Variants in L3MBTL4 observed in about 807,000 individuals in gnomAD.
The protein encoded by L3MBTL4 is lethal(3)malignant brain tumor-like protein 4.
A neutral mutation model predicts 84.5 loss-of-function variants in L3MBTL4; 70 were observed. The ratio of observed to expected loss-of-function variants is 0.83; its 90% CI spans 0.68 to 1.01. L3MBTL4 has a LOEUF of 1.01. Ranked by LOEUF, L3MBTL4 falls within the 50% of genes least tolerant of loss-of-function variation. The probability of loss-of-function intolerance (pLI) is 0.00; values close to 1 mark genes in which losing one functional copy is unlikely to be tolerated. For missense variants in L3MBTL4, 715 were observed against 754.8 expected, an observed-to-expected ratio of 0.95 and a Z score of 0.62; for synonymous variants, 274 against 259.8, an observed-to-expected ratio of 1.05 and a Z score of -0.52.
Position 6,094,467 on chromosome 18 carries a change from AAC to A in L3MBTL4, c.1200-941_1200-940del, listed in dbSNP as rs2058565527. ...AATTCACAAACACATGCCACACACA[AAC>A]ACACACACATCATGAAATGGTAGCT... On this transcript the variant is annotated intron_variant, in intron 14 of 18. Transcript: ENST00000317931. Among the ~76,000 whole-genome samples, 2 of 152,062 alleles carry A rather than the reference AAC, an allele frequency of 1.3e-5. 1 individual carries two copies. Among genetic ancestry groups the A allele is most frequent in the African/African-American group, 4.8e-5 (2 of 41,410 alleles).
chr18:6,338,334 A>T (rs922276082), intron 1 of L3MBTL4, among the ~76,000 whole-genome samples: 1 of 152,026 alleles, frequency 6.6e-6, no homozygotes, highest in Admixed American at 6.6e-5. Flanking sequence ...GAAAACAACA[A>T]AGGTAAACAT....
At chr18:6,162,048 G>A (rs982323669) in intron 13 of L3MBTL4, among the ~76,000 whole-genome samples, 2 of 150,986 alleles carry the variant, frequency 1.3e-5, no homozygotes, top group East Asian at 1.9e-4. Flanking sequence ...CTACTAATTT[G>A]TTGAAAAAAG....
intron 16 of L3MBTL4, chr18:6,031,855 C>T: frequency 1.0e-6 from 1 of 982,692 alleles, no homozygotes; most frequent in Non-Finnish European, 1.2e-6. Context: ...GGCACAAGTA[C>T]AGTTTTGTTA....
chr18:6,193,351 T>C (rs1018088417), intron 12 of L3MBTL4, among the ~76,000 whole-genome samples: 2 of 152,056 alleles, frequency 1.3e-5, no homozygotes, highest in Admixed American at 1.3e-4. Flanking sequence ...CAAATACAGT[T>C]TGAAGACACG....
At chr18:6,269,908 C>T (rs1956588341) in intron 4 of L3MBTL4, among the ~76,000 whole-genome samples, 1 of 152,176 alleles carries the variant, frequency 6.6e-6, no homozygotes, top group South Asian at 2.1e-4. Flanking sequence ...ATGCAAATGG[C>T]AGGGGTAAAG....
At chr18:6,257,891 C>G (rs1371681738) in intron 5 of L3MBTL4, among the ~76,000 whole-genome samples, 4 of 152,128 alleles carry the variant, frequency 2.6e-5, no homozygotes, top group Non-Finnish European at 5.9e-5. Flanking sequence ...GGTGATCCAC[C>G]CACCTCGGCC....
intron 1 of L3MBTL4, among the ~76,000 whole-genome samples, chr18:6,364,022 T>A (rs906071222): frequency 6.6e-6 from 1 of 151,800 alleles, no homozygotes; most frequent in Non-Finnish European, 1.5e-5. Context: ...CTCCTGGGGG[T>A]CTCTATGATA....
intron 10 of L3MBTL4, among the ~76,000 whole-genome samples, chr18:6,216,361 AT>A (rs570031450): frequency 2.6e-5 from 4 of 152,270 alleles, no homozygotes; most frequent in African/African-American, 9.6e-5. Flanking sequence ...AAAGAACTCT[AT>A]TTCAAATTTC....
At position 6,369,437 on chromosome 18, in the gene L3MBTL4, G is replaced by T. The variant is rs148052029; in HGVS notation, c.-91+45364C>A. On this transcript the variant is annotated intron_variant, in intron 1 of 18. Transcript: ENST00000317931. ...GCACAGGACAGCCCCTCACCACAAA[G>T]AACTCTCTGGTCCAAAACTGTCAAT... Among the ~76,000 whole-genome samples, 90 of 152,280 alleles carry T rather than the reference G, an allele frequency of 5.9e-4. 2 individuals carry two copies. The highest frequency in any genetic ancestry group is 2.1e-3 in the African/African-American group (87 of 41,548).
chr18:6,116,388 TCTTA>T (rs1294774559), intron 14 of L3MBTL4, among the ~76,000 whole-genome samples: 137 of 141,820 alleles, frequency 9.7e-4, no homozygotes, highest in Non-Finnish European at 1.7e-3. Context: ...TGAGATGGAG[TCTTA>T]CTCTGTAGCT....
intron 1 of L3MBTL4, among the ~76,000 whole-genome samples, chr18:6,390,488 T>G (rs1568594515): frequency 1.3e-5 from 2 of 151,618 alleles, no homozygotes; most frequent in African/African-American, 2.4e-5. Flanking sequence ...CAGAACAGAA[T>G]GAAGTGAAAT....
chr18:6,139,543 A>G (rs541154273), intron 13 of L3MBTL4, among the ~76,000 whole-genome samples: 1 of 151,964 alleles, frequency 6.6e-6, no homozygotes, highest in South Asian at 2.1e-4. Context: ...ACGCACACTC[A>G]CACATATCAG....
chr18:6,301,826 C>T, intron 4 of L3MBTL4, 77 bp downstream of exon 4: 1 of 1,040,794 alleles, frequency 9.6e-7, no homozygotes, highest in South Asian at 1.3e-5. Flanking sequence ...AAACCTAAAA[C>T]AACTAAGCAA....
At position 6,298,153 on chromosome 18, in the gene L3MBTL4, C is replaced by T. The variant is rs539499057; in HGVS notation, c.127+3750G>A. 2.0e-5 allele frequency among the ~76,000 whole-genome samples: 3 copies of T among 152,274 alleles called. No individual in the cohort carries two copies. In the South Asian group the frequency reaches 6.2e-4, roughly 32 times the overall value. On this transcript the variant is annotated intron_variant, in intron 4 of 18. Transcript: ENST00000317931. ...TAATTCTACTCCTAGTAGCAGTATGCCAAGACTCAGTCTCCCCCATCCCAC... is the reference window on the plus strand; with the variant it reads ...TAATTCTACTCCTAGTAGCAGTATGTCAAGACTCAGTCTCCCCCATCCCAC...
intron 10 of L3MBTL4, among the ~76,000 whole-genome samples, chr18:6,223,883 T>C (rs747035367): frequency 3.3e-5 from 5 of 152,208 alleles, no homozygotes; most frequent in Non-Finnish European, 7.3e-5. Flanking sequence ...GCCATGATTA[T>C]ACTGTGACAG....
At chr18:6,118,272 C>CCTCCT (rs2059420764) in intron 14 of L3MBTL4, among the ~76,000 whole-genome samples, 1 of 146,484 alleles carries the variant, frequency 6.8e-6, no homozygotes, top group South Asian at 2.2e-4. Flanking sequence ...CTGGAATATC[C>CCTCCT]CTCCTATCCC....
At chr18:6,261,504 G>T (rs1269233922) in intron 5 of L3MBTL4, among the ~76,000 whole-genome samples, 1 of 152,074 alleles carries the variant, frequency 6.6e-6, no homozygotes, top group East Asian at 1.9e-4. Context: ...CTGCCAAGGG[G>T]GCCCACTCCT....
At position 6,160,324 on chromosome 18, in the gene L3MBTL4, T is replaced by C. The variant is rs573350820; in HGVS notation, c.1096+11504A>G. Among the ~76,000 whole-genome samples the C allele has an allele frequency of 5.9e-5, 9 of 152,260 alleles. No individual in the cohort carries two copies. The South Asian group carries it at 1.7e-3, about 28-fold the overall frequency. On this transcript the variant is annotated intron_variant, in intron 13 of 18. Coordinates refer to ENST00000317931, the MANE Select transcript of L3MBTL4 (RefSeq NM_001330559.2). The stretch of plus-strand genomic sequence containing the variant: ...GAGTCAGGAGTGTTCGGAGTCAGTG[T>C]TGCAAGTCAACAGTGTTGCAAGTCA...
At position 6,093,514 on chromosome 18, in the gene L3MBTL4, G is replaced by A. The variant is rs751857358; in HGVS notation, c.1214C>T (p.Pro405Leu). 57 of 1,612,470 alleles carry A rather than the reference G, an allele frequency of 3.5e-5. No homozygotes were observed. Among genetic ancestry groups the A allele is most frequent in the East Asian group, 4.5e-5 (2 of 44,832 alleles). The change falls in exon 15 of 19, where the codon CCG becomes CTG. Residue 405 changes from proline (P) to leucine (L), a missense_variant. Physicochemically the swap from Pro to Leu is moderately conservative, Grantham distance 98 (BLOSUM62 -3). Transcript: ENST00000317931. ...YSGHHSAFGC[P>L]YSDMNLKKEA... Reference sequence around the variant, plus strand: ...CTTTTTCAAGTTCATGTCTGAATACGGGCAGCCAAAAGCACTGGTTTGTAT... The same window carrying A: ...CTTTTTCAAGTTCATGTCTGAATACAGGCAGCCAAAAGCACTGGTTTGTAT...
Sources: gnomAD v4.1 joint callset for allele counts (sites outside exome capture counted in the v4.1 genomes callset) on GRCh38, gnomAD v4.1.1 for gene constraint, MANE v1.5 for transcripts, NCBI Gene and HGNC (gene_info 2026-07-23, HGNC 2026-07-21) for gene names.